Variants in VDR observed in about 807,000 individuals in gnomAD.
VDR encodes vitamin D receptor, also known as vitamin D3 receptor.
VDR carries 19 observed loss-of-function variants against 39.7 expected under a neutral mutation model. The ratio of observed to expected loss-of-function variants is 0.48; its 90% CI spans 0.33 to 0.70. The LOEUF is 0.70. Ranked by LOEUF, VDR falls within the 30% of genes least tolerant of loss-of-function variation. The pLI is 0.02. For synonymous variants in VDR, 242 were observed against 215.8 expected (o/e 1.12, Z -1.07); for missense variants, 442 against 570.5 (o/e 0.77, Z 2.29).
chr12:47,871,286 C>A (rs7295092), intron 3 of VDR, among the ~76,000 whole-genome samples: 1 of 134,134 alleles, frequency 7.5e-6, no homozygotes, highest in Admixed American at 7.7e-5. Context: ...CTCTTTCTTT[C>A]TCTTTCTCTT....
At chr12:47,864,421 T>G (rs553614431) in intron 4 of VDR, among the ~76,000 whole-genome samples, 2 of 152,308 alleles carry the variant, frequency 1.3e-5, no homozygotes, top group Admixed American at 6.5e-5. Flanking sequence ...TCCATCTGGA[T>G]TCAGAGGGTC....
intron 1 of VDR, among the ~76,000 whole-genome samples, chr12:47,895,495 C>T (rs1946447828): frequency 6.6e-6 from 1 of 152,192 alleles, no homozygotes; most frequent in African/African-American, 2.4e-5. Flanking sequence ...GGAAGAAACA[C>T]TCTGTATTAT....
At chr12:47,867,410 TG>T (rs1555152730) in intron 3 of VDR, among the ~76,000 whole-genome samples, 1 of 7,854 alleles carries the variant, frequency 1.3e-4, no homozygotes, top group South Asian at 5.9e-3. Context: ...CTATGTAAGT[TG>T]TGTGTGTGTG....
At chr12:47,857,806 CG>C in intron 4 of VDR, 118 bp from the exon 5 acceptor site, 1 of 1,144,530 alleles carries the variant, frequency 8.7e-7, no homozygotes, top group Non-Finnish European at 1.2e-6. Flanking sequence ...GGGGCTCCCT[CG>C]GGGGTCCTCC....
At position 47,877,672 on chromosome 12, in the gene VDR, A is replaced by G. The variant is rs143057774; in HGVS notation, c.146+1296T>C. Reference sequence around the variant, plus strand: ...CCCAAGTTAGAGGACCTGGCAGGAAAGGGTCCATGTGTCACCTGGGACACA... The same window carrying G: ...CCCAAGTTAGAGGACCTGGCAGGAAGGGGTCCATGTGTCACCTGGGACACA... On this transcript the variant is annotated intron_variant, in intron 3 of 9. Coordinates refer to ENST00000549336, the MANE Select transcript of VDR (RefSeq NM_000376.3). 3.3e-3 allele frequency among the ~76,000 whole-genome samples: 501 copies of G among 152,270 alleles called. 2 individuals carry two copies. Among genetic ancestry groups the G allele is most frequent in the African/African-American group, 0.011 (471 of 41,550 alleles).
At chr12:47,850,175 AAT>A (rs964129950) in intron 7 of VDR, among the ~76,000 whole-genome samples, 1 of 152,128 alleles carries the variant, frequency 6.6e-6, no homozygotes, top group Non-Finnish European at 1.5e-5. Context: ...TTTCTATGCA[AAT>A]ATATATATAC....
chr12:47,888,762 G>A (rs981057285), intron 1 of VDR, among the ~76,000 whole-genome samples: 1 of 152,152 alleles, frequency 6.6e-6, no homozygotes, highest in Admixed American at 6.5e-5. Context: ...TGGGTAGCAG[G>A]GAGGGGAAGA....
chr12:47,878,758 C>T, intron 3 of VDR: 1 of 818,612 alleles, frequency 1.2e-6, no homozygotes, highest in Non-Finnish European at 2.0e-6. Context: ...AAAGCGATTT[C>T]CAAGAGAGTC....
At chr12:47,849,747 T>C (rs1000258821) in intron 7 of VDR, among the ~76,000 whole-genome samples, 9 of 152,236 alleles carry the variant, frequency 5.9e-5, no homozygotes, top group Non-Finnish European at 1.2e-4. Context: ...ATACTCATTA[T>C]CAAATCTTTG....
intron 3 of VDR, among the ~76,000 whole-genome samples, chr12:47,878,514 G>A (rs987210840): frequency 1.3e-5 from 2 of 152,186 alleles, no homozygotes; most frequent in Non-Finnish European, 1.5e-5. Context: ...GTGATGACCC[G>A]ACAAGAGGTG....
rs550455116 is a variant in VDR at position 47,842,301 on chromosome 12, C to T, written c.*2445G>A. 6.6e-6 allele frequency: 1 copy of T among 152,434 alleles called. No individual in the cohort carries two copies. Among genetic ancestry groups the T allele is most frequent in the South Asian group, 2.1e-4 (1 of 4,826 alleles). 9.4% of individuals were successfully genotyped at this position (152,434 alleles called of 1,614,324 possible). ...CTGATGGGTTGGTGGAGTTACAAGC[C>T]AGGGAAGGAAGGAAAGGGTCCCAGA... is the stretch of plus-strand genomic sequence containing the variant. On this transcript the variant is annotated 3_prime_UTR_variant, in exon 10 of 10. Coordinates refer to ENST00000549336, the MANE Select transcript of VDR (RefSeq NM_000376.3).
chr12:47,855,542 G>T (rs1027821523), intron 7 of VDR, 88 bp downstream of exon 7: 1 of 1,475,538 alleles, frequency 6.8e-7, no homozygotes, highest in Non-Finnish European at 9.3e-7. Flanking sequence ...ATAAAAAAAA[G>T]AAGTGGTGGA....
At chr12:47,897,119 T>C (rs1041631375) in intron 1 of VDR, 6 of 152,222 alleles carry the variant, frequency 3.9e-5, no homozygotes, top group African/African-American at 1.2e-4. Flanking sequence ...TCAATGTCTT[T>C]GGGCAAGGAA....
In VDR at chr12:47,855,754, C is replaced by G; in HGVS notation, c.631G>C (p.Asp211His). The change falls in exon 7 of 10, where the codon GAT (aspartate) becomes CAT (histidine). Residue 211 changes from aspartate to histidine, a missense_variant. This residue lies in a region of VDR where 77 missense variants were observed against 67.4 expected (regional missense o/e 1.14). Coordinates refer to ENST00000549336, the MANE Select transcript of VDR (RefSeq NM_000376.3). The part of the protein sequence containing the change: ...SFSNLDLSEE[D>H]SDDPSVTLEL... Reference sequence around the variant, plus strand: ...AGGGTCACAGAAGGGTCATCTGAATCTTCTTCACTCAGATCCAGATTGGAG... The same window carrying G: ...AGGGTCACAGAAGGGTCATCTGAATGTTCTTCACTCAGATCCAGATTGGAG... 6.2e-7 allele frequency: 1 copy of G among 1,614,186 alleles called. No individual in the cohort carries two copies. The highest frequency in any genetic ancestry group is 8.5e-7 in the Non-Finnish European group (1 of 1,180,014).
intron 4 of VDR, among the ~76,000 whole-genome samples, chr12:47,858,022 G>A (rs1326687063): frequency 6.6e-6 from 1 of 152,070 alleles, no homozygotes; most frequent in Non-Finnish European, 1.5e-5. Context: ...TGAGAGATTT[G>A]GACCATGTAA....
Position 47,845,023 on chromosome 12 carries a change from G to T in VDR, c.1025-18C>A. On this transcript the variant is annotated intron_variant, in intron 9 of 9. Coordinates refer to ENST00000549336, the MANE Select transcript of VDR (RefSeq NM_000376.3). ...AGGACGATCTGTGGGCACGGGGATA[G>T]AGAAGAAGGCACAGGAGCTCTCAGC... 1 of 1,609,130 alleles carries T rather than the reference G, an allele frequency of 6.2e-7. No homozygotes were observed.
In VDR at chr12:47,879,009, G is replaced by A; in HGVS notation, c.105C>T (p.His35=). ...AGCCTTCACAGGTCATAGCATTGAA[G>A]TGAAAGCCAGTGGCTCGGTCTCCAC... ...GVCGDRATGF[H]FNAMTCEGCK... Residue 35 remains histidine (H), a synonymous_variant, in exon 3 of 10, where the codon CAC becomes CAT. Coordinates refer to ENST00000549336, the MANE Select transcript of VDR (RefSeq NM_000376.3). 6.2e-7 allele frequency: 1 copy of A among 1,614,226 alleles called. No homozygotes were observed. The highest frequency in any genetic ancestry group is 8.5e-7 in the Non-Finnish European group (1 of 1,180,028).
At chr12:47,904,377 A>T (rs1946627051) in intron 1 of VDR, among the ~76,000 whole-genome samples, 1 of 148,184 alleles carries the variant, frequency 6.7e-6, no homozygotes, top group Non-Finnish European at 1.5e-5. Flanking sequence ...CTTGCCCCTG[A>T]GTTCCTCTGA....
chr12:47,846,911 A>C (rs1014974048), intron 7 of VDR, 103 bp from the exon 8 acceptor site: 2 of 1,375,638 alleles, frequency 1.5e-6, no homozygotes, highest in East Asian at 4.6e-5. Context: ...GGGCACCAAC[A>C]TGCACCCTGG....
Sources: allele counts gnomAD v4.1 joint callset (sites outside exome capture counted in the v4.1 genomes callset), GRCh38; gene constraint gnomAD v4.1.1; regional missense constraint gnomAD v4.1.1; transcripts MANE v1.5; gene names NCBI Gene and HGNC (gene_info 2026-07-23, HGNC 2026-07-21).